The following BIN2 variants were observed in gnomAD, a reference collection of about 807,000 sequenced individuals.
The protein encoded by BIN2 is bridging integrator 2.
A neutral mutation model predicts 67.9 loss-of-function variants in BIN2; 43 were observed. The ratio of observed to expected loss-of-function variants is 0.63; its 90% CI spans 0.50 to 0.82. The LOEUF is 0.82. Ranked by LOEUF, BIN2 falls within the 40% of genes least tolerant of loss-of-function variation. BIN2 has a pLI of 0.00. For missense variants in BIN2, 581 were observed against 671.6 expected, an observed-to-expected ratio of 0.87 and a Z score of 1.49; for synonymous variants, 244 against 246.8, an observed-to-expected ratio of 0.99 and a Z score of 0.11.
chr12:51,320,632 T>G (rs1946245855), intron 1 of BIN2, among the ~76,000 whole-genome samples: 1 of 95,840 alleles, frequency 1.0e-5, no homozygotes, highest in Non-Finnish European at 2.1e-5. Context: ...ATTATCATTA[T>G]TCTTTTTTTT....
In BIN2 at chr12:51,303,143, T is replaced by G. The variant is rs1314972413; in HGVS notation, c.163-2A>C. The G allele has an allele frequency of 1.2e-6, 2 of 1,613,958 alleles. No homozygotes were observed. Among genetic ancestry groups the G allele is most frequent in the East Asian group, 4.5e-5 (2 of 44,890 alleles). ...CTTGTACAGCTTGTGGCCTTCTGCC[T>G]GAAAGAGAAAAGTACATTTGGTGAC... On this transcript the variant is annotated splice_acceptor_variant, in intron 2 of 12. Coordinates refer to ENST00000615107, the MANE Select transcript of BIN2 (RefSeq NM_016293.4). LOFTEE classifies it high-confidence loss of function.
In BIN2 at chr12:51,281,393, G is replaced by T; in HGVS notation, c.*106C>A. ...TAGACAGCACCAGCATTCCTACTGA[G>T]AACCCAGGGATGGATGCTGGCTCTT... On this transcript the variant is annotated 3_prime_UTR_variant, in exon 13 of 13. Coordinates refer to ENST00000615107, the MANE Select transcript of BIN2 (RefSeq NM_016293.4). 1 of 1,261,358 alleles carries T rather than the reference G, an allele frequency of 7.9e-7. No individual in the cohort carries two copies. The highest frequency in any genetic ancestry group is 1.2e-6 in the Non-Finnish European group (1 of 864,078). 78.1% of individuals were successfully genotyped at this position (1,261,358 alleles called of 1,614,324 possible). A position where few individuals can be genotyped will look rare whatever the true frequency, so the allele number is the denominator to read the frequency against.
At chr12:51,283,644 G>A (rs1945169131) in intron 12 of BIN2, among the ~76,000 whole-genome samples, 1 of 152,088 alleles carries the variant, frequency 6.6e-6, no homozygotes, top group South Asian at 2.1e-4. Flanking sequence ...AACAAAAAAA[G>A]TTTTAAAAAG....
intron 12 of BIN2, among the ~76,000 whole-genome samples, chr12:51,282,389 A>C (rs1945137819): frequency 6.6e-6 from 1 of 152,174 alleles, no homozygotes. Flanking sequence ...GTGATGTGGC[A>C]GCTATTGTTA....
chr12:51,308,597 G>A (rs184371534), intron 2 of BIN2, among the ~76,000 whole-genome samples: 7 of 152,320 alleles, frequency 4.6e-5, no homozygotes, highest in Non-Finnish European at 8.8e-5. Flanking sequence ...CCCAAGTGTT[G>A]AAGTGATCAA....
At chr12:51,299,327 T>C (rs1945657382) in intron 6 of BIN2, 39 bp from the exon 7 acceptor site, 3 of 1,569,890 alleles carry the variant, frequency 1.9e-6, no homozygotes, top group Non-Finnish European at 2.6e-6. Context: ...CCCTCAATTC[T>C]GAACCCAGTA....
chr12:51,297,280 G>A lies in BIN2; in HGVS notation c.603-116C>T, dbSNP rs1260557072. On this transcript the variant is annotated intron_variant, in intron 7 of 12. Coordinates refer to ENST00000615107, the MANE Select transcript of BIN2 (RefSeq NM_016293.4). ...CAGCCACCAAGGCTCCTAAATGAAA[G>A]CCATCCCGCTGGGCACAGTGGCTCA... 4.0e-6 allele frequency: 4 copies of A among 1,002,184 alleles called. No homozygotes were observed. The East Asian group carries it at 1.0e-4, about 26-fold the overall frequency. The allele number at this position is 1,002,184 out of a possible 1,614,324, so 62.1% of individuals were successfully genotyped here.
chr12:51,318,778 G>A (rs964504226), intron 1 of BIN2, among the ~76,000 whole-genome samples: 2 of 152,188 alleles, frequency 1.3e-5, no homozygotes, highest in African/African-American at 2.4e-5. Flanking sequence ...GTTGTCAGGA[G>A]GATTAAATGA....
chr12:51,287,965 A>G (rs559137314), intron 11 of BIN2, 143 bp downstream of exon 11: 217 of 604,468 alleles, frequency 3.6e-4, no homozygotes, highest in Middle Eastern at 9.4e-4. Flanking sequence ...CAAGTTTTAC[A>G]TCTTGCTCTG....
intron 2 of BIN2, among the ~76,000 whole-genome samples, chr12:51,310,683 A>C (rs557483726): frequency 6.6e-6 from 1 of 152,358 alleles, no homozygotes; most frequent in South Asian, 2.1e-4. Flanking sequence ...CATACATAGC[A>C]AAGTAATTGT....
chr12:51,287,924 T>TACAG (rs984592040), intron 11 of BIN2, among the ~76,000 whole-genome samples, 184 bp downstream of exon 11: 13 of 152,218 alleles, frequency 8.5e-5, no homozygotes, highest in African/African-American at 2.9e-4. Context: ...GTGCTGGGAT[T>TACAG]ACAGGCATGA....
chr12:51,284,784 G>A lies in BIN2; in HGVS notation c.1600C>T (p.Gln534Ter), dbSNP rs1238912017. The A allele has an allele frequency of 9.3e-6, 15 of 1,612,752 alleles. No homozygotes were observed. Among genetic ancestry groups the A allele is most frequent in the Non-Finnish European group, 1.3e-5 (15 of 1,178,934 alleles). Reference sequence around the variant, plus strand: ...ACCATGGAGACTTGAAGCTGGTCTTGGCCCTACAAAGAGAAGAGTTCTGCC... The same window carrying A: ...ACCATGGAGACTTGAAGCTGGTCTTAGCCCTACAAAGAGAAGAGTTCTGCC... ...KLISANSSEGQDQLQVSMVPE... is the reference protein window; with the variant it reads ...KLISANSSEG Residue 534 changes from glutamine to a stop codon, truncating the protein, a stop_gained, in exon 12 of 13, where the codon CAA becomes TAA. Transcript: ENST00000615107. LOFTEE classifies it high-confidence loss of function.
intron 2 of BIN2, among the ~76,000 whole-genome samples, chr12:51,305,064 C>G (rs149029721): frequency 6.6e-6 from 1 of 151,874 alleles, no homozygotes; most frequent in Non-Finnish European, 1.5e-5. Flanking sequence ...GGGCCAGGCA[C>G]GGTGGCTCAC....
intron 12 of BIN2, among the ~76,000 whole-genome samples, chr12:51,282,462 T>C (rs999493431): frequency 2.0e-5 from 3 of 152,178 alleles, no homozygotes; most frequent in Non-Finnish European, 4.4e-5. Flanking sequence ...ATGATGCTGG[T>C]ATAAACAAAC....
chr12:51,289,446 C>T (rs929624300), intron 10 of BIN2, among the ~76,000 whole-genome samples: 8 of 151,884 alleles, frequency 5.3e-5, no homozygotes, highest in Non-Finnish European at 1.0e-4. Flanking sequence ...GAAACCCCAT[C>T]TCTACCAAAA....
chr12:51,322,594 T>G (rs766022650), intron 1 of BIN2: 7 of 125,060 alleles, frequency 5.6e-5, no homozygotes, highest in Non-Finnish European at 1.0e-4. Flanking sequence ...TCATGAGTGT[T>G]TTGTCTTTTA....
chr12:51,293,949 A>G (rs975899048), intron 9 of BIN2, among the ~76,000 whole-genome samples: 1 of 152,216 alleles, frequency 6.6e-6, no homozygotes, highest in African/African-American at 2.4e-5. Flanking sequence ...AAGAAGCCCC[A>G]TGACAGACCT....
chr12:51,287,577 G>T (rs1244883706), intron 11 of BIN2, among the ~76,000 whole-genome samples: 1 of 151,888 alleles, frequency 6.6e-6, no homozygotes, highest in Non-Finnish European at 1.5e-5. Context: ...CTGACCTCAG[G>T]TGATCCGCCC....
intron 5 of BIN2, among the ~76,000 whole-genome samples, chr12:51,300,888 T>C (rs935680801): frequency 1.3e-5 from 2 of 152,212 alleles, no homozygotes; most frequent in Non-Finnish European, 2.9e-5. Flanking sequence ...TCTAACTTCT[T>C]CCTCTGAATC....
Sources: gnomAD v4.1 joint callset for allele counts (sites outside exome capture counted in the v4.1 genomes callset) on GRCh38, gnomAD v4.1.1 for gene constraint, MANE v1.5 for transcripts, NCBI Gene and HGNC (gene_info 2026-07-23, HGNC 2026-07-21) for gene names.